Variants in TLK1 observed in about 807,000 individuals in gnomAD.
The protein encoded by TLK1 is serine/threonine-protein kinase tousled-like 1.
TLK1 carries 24 observed loss-of-function variants against 105.3 expected under a neutral mutation model. The observed-to-expected ratio is 0.23, with a 90% CI of 0.17 to 0.32. The LOEUF (loss-of-function observed/expected upper bound fraction) is 0.32, where lower values mean the gene tolerates loss of function less well. Ranked by LOEUF, TLK1 falls within the 10% of genes least tolerant of loss-of-function variation. The pLI is 1.00. For missense variants in TLK1, 558 were observed against 910.5 expected, an observed-to-expected ratio of 0.61 and a Z score of 4.98; for synonymous variants, 321 against 310.4, an observed-to-expected ratio of 1.03 and a Z score of -0.36.
intron 3 of TLK1, among the ~76,000 whole-genome samples, chr2:171,071,327 G>A (rs376889570): frequency 4.0e-5 from 6 of 150,990 alleles, no homozygotes; most frequent in Admixed American, 6.6e-5. Flanking sequence ...TCGCTCTGTC[G>A]CCCAGGCTGG....
At chr2:171,023,169 G>A (rs972444979) in intron 12 of TLK1, 1 of 470,968 alleles carries the variant, frequency 2.1e-6, no homozygotes, top group South Asian at 1.5e-5. Flanking sequence ...ATGCCACATC[G>A]CAAGGAGCAA....
intron 15 of TLK1, 21 bp downstream of exon 15, chr2:171,006,951 C>A: frequency 1.2e-6 from 2 of 1,604,428 alleles, no homozygotes; most frequent in Non-Finnish European, 1.7e-6. Flanking sequence ...TTTTAAAAAA[C>A]CATAAAGTAT....
At chr2:171,000,624 G>A (rs1370954961) in intron 18 of TLK1, among the ~76,000 whole-genome samples, 1 of 152,124 alleles carries the variant, frequency 6.6e-6, no homozygotes, top group Middle Eastern at 3.2e-3. Context: ...TGAGTAGACT[G>A]AGGAGGGGTT....
chr2:171,198,683 T>C (rs991913937), intron 1 of TLK1, among the ~76,000 whole-genome samples: 2 of 152,182 alleles, frequency 1.3e-5, no homozygotes, highest in Non-Finnish European at 2.9e-5. Flanking sequence ...AGAGGCCTGA[T>C]TGACTAAAGG....
intron 1 of TLK1, among the ~76,000 whole-genome samples, chr2:171,121,122 AGAAAATTTCTACAGAT>A (rs1156975616): frequency 6.6e-6 from 1 of 152,220 alleles, no homozygotes; most frequent in Admixed American, 6.5e-5. Flanking sequence ...TGAGGAAGAC[AGAAAATTTCTACAGAT>A]GAATAGTGGT....
At chr2:171,108,791 T>A (rs1383551351) in intron 2 of TLK1, among the ~76,000 whole-genome samples, 1 of 152,024 alleles carries the variant, frequency 6.6e-6, no homozygotes, top group Non-Finnish European at 1.5e-5. Flanking sequence ...AGATAGGGTT[T>A]CATCATGTTG....
In TLK1 at chr2:171,028,325, T is replaced by A; in HGVS notation, c.1236+14A>T. 1 of 1,582,894 alleles carries A rather than the reference T, an allele frequency of 6.3e-7. No homozygotes were observed. Among genetic ancestry groups the A allele is most frequent in the Non-Finnish European group, 8.7e-7 (1 of 1,152,568 alleles). On this transcript the variant is annotated intron_variant, in intron 12 of 20. Coordinates refer to ENST00000431350, the MANE Select transcript of TLK1 (RefSeq NM_012290.5). ...AGCAAATTGAACTAAAAATGCAGCA[T>A]ATGTTTCACATACCTTTTTGAGATG...
At chr2:171,000,542 G>GT (rs1167582999) in intron 18 of TLK1, among the ~76,000 whole-genome samples, 2 of 151,832 alleles carry the variant, frequency 1.3e-5, no homozygotes, top group Non-Finnish European at 2.9e-5. Context: ...AAGAAAAATC[G>GT]TAAGAGAAAA....
chr2:171,092,258 G>C (rs1194595993), intron 2 of TLK1, among the ~76,000 whole-genome samples: 1 of 152,072 alleles, frequency 6.6e-6, no homozygotes, highest in Non-Finnish European at 1.5e-5. Context: ...ATATTGTTTT[G>C]GCAAAAAATC....
At chr2:171,078,191 C>A (rs1209763269) in intron 3 of TLK1, among the ~76,000 whole-genome samples, 13 of 152,152 alleles carry the variant, frequency 8.5e-5, no homozygotes, top group Admixed American at 8.5e-4. Flanking sequence ...TCCTCCCTTT[C>A]CTTCTTTATG....
rs1553602284 is a variant in TLK1 at position 170,993,685 on chromosome 2, A to AAAAG, written c.*94_*95insCTTT. On this transcript the variant is annotated 3_prime_UTR_variant, in exon 21 of 21. Transcript: ENST00000431350. Reference sequence around the variant, plus strand: ...GTCTTGTGTAAAAAAAAAAAAAAAAAAAAAAGAAAAAGAAAACAAACACTC... The same window carrying AAAAG: ...GTCTTGTGTAAAAAAAAAAAAAAAAAAAAGAAAAAGAAAAAGAAAACAAACACTC... 3.3e-5 allele frequency: 33 copies of AAAAG among 994,236 alleles called. No individual in the cohort carries two copies. In the African/African-American group the frequency reaches 4.4e-4, roughly 13 times the overall value. The allele number at this position is 994,236 out of a possible 1,614,324, so 61.6% of individuals were successfully genotyped here.
chr2:171,147,904 T>C (rs1204728455), intron 1 of TLK1, among the ~76,000 whole-genome samples: 1 of 151,930 alleles, frequency 6.6e-6, no homozygotes, highest in Non-Finnish European at 1.5e-5. Context: ...TCCTTTTTTT[T>C]TTTTGAGACA....
At chr2:171,220,936 A>T (rs1049617635) in intron 1 of TLK1, among the ~76,000 whole-genome samples, 2 of 152,158 alleles carry the variant, frequency 1.3e-5, no homozygotes, top group African/African-American at 4.8e-5. Flanking sequence ...CTGTAATCCC[A>T]GCACTTTGGG....
chr2:171,062,466 T>C (rs903733339), intron 3 of TLK1, among the ~76,000 whole-genome samples: 2 of 152,142 alleles, frequency 1.3e-5, no homozygotes, highest in African/African-American at 4.8e-5. Context: ...TATTTAAAGT[T>C]CTCCCACCTC....
intron 13 of TLK1, 53 bp downstream of exon 13, chr2:171,014,798 G>A (rs887340382): frequency 1.6e-6 from 2 of 1,264,188 alleles, no homozygotes; most frequent in East Asian, 4.6e-5. Context: ...GCTCTATGGG[G>A]GGCGGGGGTA....
chr2:171,050,202 G>A, intron 8 of TLK1, 28 bp from the exon 9 acceptor site: 1 of 1,500,204 alleles, frequency 6.7e-7, no homozygotes. Flanking sequence ...AATGCAAGAG[G>A]TCTAGACTGG....
intron 7 of TLK1, chr2:171,054,741 T>C (rs1687413938): frequency 6.1e-6 from 1 of 162,644 alleles, no homozygotes; most frequent in Admixed American, 6.4e-5. Context: ...CACATATACG[T>C]ATTTAATAAA....
chr2:171,029,305 A>G (rs1685926343), intron 11 of TLK1, among the ~76,000 whole-genome samples: 2 of 152,190 alleles, frequency 1.3e-5, no homozygotes, highest in Non-Finnish European at 2.9e-5. Flanking sequence ...GTAAATAAGC[A>G]AGATAAAAAA....
At chr2:171,211,607 T>C (rs1192372634) in intron 1 of TLK1, among the ~76,000 whole-genome samples, 1 of 152,052 alleles carries the variant, frequency 6.6e-6, no homozygotes, top group East Asian at 1.9e-4. Flanking sequence ...TGGAGTGCAA[T>C]GGCGCGATGT....
Sources: gnomAD v4.1 joint callset for allele counts (sites outside exome capture counted in the v4.1 genomes callset) on GRCh38, gnomAD v4.1.1 for gene constraint, MANE v1.5 for transcripts, NCBI Gene and HGNC (gene_info 2026-07-23, HGNC 2026-07-21) for gene names.